Variants in COL24A1 observed in about 807,000 individuals in gnomAD.
The protein encoded by COL24A1 is collagen type XXIV alpha 1 chain.
In COL24A1, 224 loss-of-function variants were observed where a neutral mutation model predicts 253.9. The ratio of observed to expected loss-of-function variants is 0.88; its 90% confidence interval spans 0.79 to 0.99. The LOEUF is 0.99. COL24A1 is among the 50% of genes least tolerant of loss of function. The pLI is 0.00. For synonymous variants in COL24A1, 685 were observed against 673.7 expected (o/e 1.02, Z -0.26); for missense variants, 2,131 against 2,068.5 (o/e 1.03, Z -0.59).
intron 53 of COL24A1, among the ~76,000 whole-genome samples, chr1:85,774,795 A>G (rs187528417): frequency 2.8e-4 from 43 of 152,018 alleles, no homozygotes; most frequent in African/African-American, 9.6e-4. Context: ...GCGGTCTATC[A>G]ATTTTGTTGA....
At chr1:85,933,023 C>G (rs1687907910) in intron 24 of COL24A1, among the ~76,000 whole-genome samples, 1 of 127,420 alleles carries the variant, frequency 7.8e-6, no homozygotes, top group African/African-American at 3.1e-5. Context: ...ACCAGCATGG[C>G]ACATGTATAC....
In COL24A1 at chr1:85,895,933, T is replaced by C. The variant is rs759787699; in HGVS notation, c.2878-31A>G. ...TGAGAAAGAAAATTCTTGAGTCAAG[T>C]AGTCCCCTCCAAAAAGATTAATCAT... On this transcript the variant is annotated intron_variant, in intron 30 of 59. Transcript: ENST00000370571. The C allele has an allele frequency of 6.2e-6, 10 of 1,605,230 alleles. No individual in the cohort carries two copies. The South Asian group carries it at 7.9e-5, about 13-fold the overall frequency.
rs548274547 is a variant in COL24A1 at position 85,932,340 on chromosome 1, T to C, written c.2563-20907A>G. Among the ~76,000 whole-genome samples, 2 of 70,872 alleles carry C rather than the reference T, an allele frequency of 2.8e-5. 1 individual carries two copies. Among genetic ancestry groups the C allele is most frequent in the East Asian group, 1.1e-3 (2 of 1,820 alleles). 46.5% of individuals were successfully genotyped at this position (70,872 alleles called of 152,430 possible). ...AACCAAAAAACACGTGAAGAAATGC[T>C]CATCATCACTGGCCATCAGAGAAAT... On this transcript the variant is annotated intron_variant, in intron 24 of 59. Transcript: ENST00000370571.
chr1:85,761,577 T>C lies in COL24A1; in HGVS notation c.4375-11A>G, dbSNP rs1428384318. 9.3e-6 allele frequency: 15 copies of C among 1,614,052 alleles called. No homozygotes were observed. Among genetic ancestry groups the C allele is most frequent in the Non-Finnish European group, 1.2e-5 (14 of 1,179,928 alleles). ...TGGTCCTTGAGGACCCTGGAAGAAA[T>C]GGAGACAAACACAAGACCTATATAT... On this transcript the variant is annotated splice_polypyrimidine_tract_variant and intron_variant, in intron 53 of 59. Coordinates refer to ENST00000370571, the MANE Select transcript of COL24A1 (RefSeq NM_152890.7).
At chr1:86,134,440 T>C (rs1218628941) in intron 2 of COL24A1, among the ~76,000 whole-genome samples, 7 of 149,224 alleles carry the variant, frequency 4.7e-5, no homozygotes, top group African/African-American at 7.4e-5. Context: ...ATTGTGAAGT[T>C]AGGATGTCAA....
chr1:86,124,830 A>G lies in COL24A1; in HGVS notation c.1491+15T>C. 6.6e-7 allele frequency: 1 copy of G among 1,519,436 alleles called. No individual in the cohort carries two copies. The highest frequency in any genetic ancestry group is 8.7e-7 in the Non-Finnish European group (1 of 1,144,654). The allele number at this position is 1,519,436 out of a possible 1,614,324, so 94.1% of individuals were successfully genotyped here. A position where few individuals can be genotyped will look rare whatever the true frequency, so the allele number is the denominator to read the frequency against. ...AGTTAGCATATTAGGAGATATTAAA[A>G]AAAAAAAAACTTACGGGAGGTCCAG... On this transcript the variant is annotated intron_variant, in intron 3 of 59. Coordinates refer to ENST00000370571, the MANE Select transcript of COL24A1 (RefSeq NM_152890.7).
At chr1:85,809,389 A>G (rs917723556) in intron 47 of COL24A1, among the ~76,000 whole-genome samples, 1 of 152,216 alleles carries the variant, frequency 6.6e-6, no homozygotes, top group African/African-American at 2.4e-5. Flanking sequence ...GTTAAACTAT[A>G]AACTAAATTC....
At chr1:85,835,322 G>A (rs1441356066) in intron 43 of COL24A1, among the ~76,000 whole-genome samples, 1 of 152,044 alleles carries the variant, frequency 6.6e-6, no homozygotes, top group Non-Finnish European at 1.5e-5. Context: ...AGTAGAGATG[G>A]GGTTTCACTA....
chr1:85,871,744 T>C (rs1377029330), intron 35 of COL24A1, among the ~76,000 whole-genome samples: 4 of 152,176 alleles, frequency 2.6e-5, no homozygotes, highest in Non-Finnish European at 5.9e-5. Context: ...AATATCATAC[T>C]GAATGGGCAA....
intron 35 of COL24A1, 56 bp from the exon 36 acceptor site, chr1:85,868,891 T>C: frequency 7.9e-7 from 1 of 1,267,004 alleles, no homozygotes; most frequent in Non-Finnish European, 1.1e-6. Context: ...TCATTTATCT[T>C]ATTTTATTTT....
intron 19 of COL24A1, among the ~76,000 whole-genome samples, chr1:86,012,115 A>T (rs1187655933): frequency 6.6e-6 from 1 of 152,078 alleles, no homozygotes; most frequent in Non-Finnish European, 1.5e-5. Flanking sequence ...CACCATGCCC[A>T]GCCTTAAAAA....
At chr1:85,762,810 C>T (rs1355061616) in intron 53 of COL24A1, among the ~76,000 whole-genome samples, 2 of 152,106 alleles carry the variant, frequency 1.3e-5, no homozygotes, top group Non-Finnish European at 2.9e-5. Context: ...TGGTTCAGTA[C>T]AAAATACATA....
At chr1:86,092,207 A>C in intron 6 of COL24A1, 60 bp downstream of exon 6, 1 of 1,333,702 alleles carries the variant, frequency 7.5e-7, no homozygotes, top group Non-Finnish European at 1.0e-6. Flanking sequence ...AAAATGCTTA[A>C]ATTATTTTAA....
intron 32 of COL24A1, among the ~76,000 whole-genome samples, chr1:85,889,249 C>T (rs540877504): frequency 6.6e-6 from 1 of 151,898 alleles, no homozygotes; most frequent in Admixed American, 6.6e-5. Context: ...TGTGTGGCAA[C>T]ATAATAATTA....
intron 33 of COL24A1, among the ~76,000 whole-genome samples, chr1:85,876,866 A>C (rs1050819218): frequency 6.6e-6 from 1 of 152,220 alleles, no homozygotes; most frequent in African/African-American, 2.4e-5. Flanking sequence ...AGTCAACTTT[A>C]AATCAGTGAA....
chr1:85,868,055 C>G (rs112034117), intron 37 of COL24A1, among the ~76,000 whole-genome samples: 90 of 152,214 alleles, frequency 5.9e-4, no homozygotes, highest in Admixed American at 5.2e-4. Flanking sequence ...TTATTCACAT[C>G]TTCCACTTGT....
rs199669304 is a variant in COL24A1 at position 85,823,586 on chromosome 1, C to T, written c.3739G>A (p.Glu1247Lys). 8.5e-5 allele frequency: 137 copies of T among 1,613,792 alleles called. No homozygotes were observed. The Admixed American group carries it at 1.6e-3, about 18-fold the overall frequency. ...CCTTGTTCACCCTGGTCACCTGGTT[C>T]GCCCTTTAGTAGAAACCAAAATAAA... Reference protein sequence around the residue: ...GATGQQGPPGEPGDQGEQGLK... With the variant: ...GATGQQGPPGKPGDQGEQGLK... The change falls in exon 45 of 60, where the codon GAA becomes AAA. Residue 1247 changes from glutamate to lysine, a missense_variant. Glu to Lys is a moderately conservative substitution (Grantham distance 56). Transcript: ENST00000370571.
At chr1:86,036,157 T>C (rs1698993860) in intron 12 of COL24A1, among the ~76,000 whole-genome samples, 1 of 152,060 alleles carries the variant, frequency 6.6e-6, no homozygotes, top group Non-Finnish European at 1.5e-5. Context: ...TTTATTATTA[T>C]TATTATCGTT....
At chr1:85,833,208 G>T (rs555842564) in intron 43 of COL24A1, among the ~76,000 whole-genome samples, 1 of 151,914 alleles carries the variant, frequency 6.6e-6, no homozygotes, top group Non-Finnish European at 1.5e-5. Context: ...GAAAATTTTC[G>T]CAACCTACTC....
Sources: gnomAD v4.1 joint callset for allele counts (sites outside exome capture counted in the v4.1 genomes callset) on GRCh38, gnomAD v4.1.1 for gene constraint, MANE v1.5 for transcripts, NCBI Gene and HGNC (gene_info 2026-07-23, HGNC 2026-07-21) for gene names.